The following CCNB3 variants were observed in gnomAD, a reference collection of about 807,000 sequenced individuals.
CCNB3 encodes the protein G2/mitotic-specific cyclin-B3.
Under a neutral mutation model 68.0 loss-of-function variants are expected in CCNB3, and 12 were observed. The ratio of observed to expected loss-of-function variants is 0.18; its 90% confidence interval spans 0.11 to 0.29. The LOEUF is 0.29. Among genes scored for constraint, CCNB3 ranks in the 10% least tolerant of loss-of-function variants. The pLI, the probability that CCNB3 is intolerant of heterozygous loss-of-function variation, is 1.00. For synonymous variants in CCNB3, 354 were observed against 388.9 expected (o/e 0.91, Z 1.06); for missense variants, 904 against 993.1 (o/e 0.91, Z 1.21).
chrX:50,299,427 A>G (rs1342655683), intron 5 of CCNB3, among the ~76,000 whole-genome samples: 7 of 111,213 alleles, frequency 6.3e-5, no homozygotes, highest in African/African-American at 2.3e-4. Flanking sequence ...TTCAGTTTCC[A>G]TGTAGTTGAA....
chrX:50,330,629 G>A (rs1284864503), intron 8 of CCNB3, among the ~76,000 whole-genome samples: 1 of 111,938 alleles, frequency 8.9e-6, no homozygotes, highest in Non-Finnish European at 1.9e-5. Context: ...AGAAGTACAG[G>A]GAGTAGTAAG....
upstream of CCNB3, among the ~76,000 whole-genome samples, chrX:50,203,944 G>T (rs1355861952): frequency 9.0e-6 from 1 of 111,365 alleles, no homozygotes; most frequent in Non-Finnish European, 1.9e-5. Context: ...TTATAATTAT[G>T]AAATTTCCTT....
At chrX:50,311,556 C>T in intron 6 of CCNB3, 60 bp downstream of exon 6, 1 of 861,782 alleles carries the variant, frequency 1.2e-6, no homozygotes, top group Non-Finnish European at 1.6e-6. Context: ...CTGGAGGTGG[C>T]TGCTAGCAAA....
Position 50,330,172 on chromosome X carries a change from G to T in CCNB3, c.3517-12030G>T, listed in dbSNP as rs782063799. 3.1e-3 allele frequency among the ~76,000 whole-genome samples: 344 copies of T among 111,770 alleles called. 2 individuals carry two copies. The highest frequency in any genetic ancestry group is 5.0e-3 in the Non-Finnish European group (267 of 53,155). Reference sequence around the variant, plus strand: ...AACTCTAAGGGGGTCTGCATGAGAGGGTCGTGATCGATTGAGCAAGCAGTG... The same window carrying T: ...AACTCTAAGGGGGTCTGCATGAGAGTGTCGTGATCGATTGAGCAAGCAGTG... On this transcript the variant is annotated intron_variant, in intron 8 of 12. Coordinates refer to ENST00000376042, the MANE Select transcript of CCNB3 (RefSeq NM_033031.3).
At chrX:50,207,481 G>T (rs1489506635) in intron 1 of CCNB3, among the ~76,000 whole-genome samples, 1 of 111,732 alleles carries the variant, frequency 8.9e-6, no homozygotes, top group Non-Finnish European at 1.9e-5. Context: ...GGTAGCACAG[G>T]TTCATATATA....
chrX:50,305,620 C>T (rs1261615424), intron 5 of CCNB3, among the ~76,000 whole-genome samples: 1 of 109,389 alleles, frequency 9.1e-6, no homozygotes, highest in African/African-American at 3.3e-5. Context: ...CTCACCTGCA[C>T]GTTCTGCACA....
chrX:50,227,700 G>A (rs1442737243), intron 1 of CCNB3, among the ~76,000 whole-genome samples: 2 of 93,737 alleles, frequency 2.1e-5, no homozygotes, highest in African/African-American at 3.8e-5. Context: ...TATATATAGA[G>A]AGAATATATA....
chrX:50,227,811 A>AATATATAGAGAATATATCAAT (rs1557207876), intron 1 of CCNB3, among the ~76,000 whole-genome samples: 1,074 of 79,937 alleles, frequency 0.013, 26 homozygotes, highest in African/African-American at 0.052. Flanking sequence ...AATAAATATA[A>AATATATAGAGAATATATCAAT]ATATATAGAG....
chrX:50,227,377 AATAT>A (rs1186874936), intron 1 of CCNB3, among the ~76,000 whole-genome samples: 1,831 of 87,607 alleles, frequency 0.021, 50 homozygotes, highest in African/African-American at 0.074. Context: ...AATATATATA[AATAT>A]ATACATAGAT....
intron 1 of CCNB3, among the ~76,000 whole-genome samples, chrX:50,217,805 T>G (rs1476386404): frequency 1.8e-5 from 2 of 111,942 alleles, no homozygotes; most frequent in African/African-American, 6.5e-5. Flanking sequence ...TTTTATGATG[T>G]GTTTATTATG....
At chrX:50,339,857 A>G (rs1378619603) in intron 8 of CCNB3, among the ~76,000 whole-genome samples, 1 of 111,053 alleles carries the variant, frequency 9.0e-6, no homozygotes. Context: ...CTATTGCCAG[A>G]ACAGCACCAA....
chrX:50,316,820 C>T (rs1005170957), intron 8 of CCNB3, among the ~76,000 whole-genome samples: 27 of 112,154 alleles, frequency 2.4e-4, no homozygotes, highest in African/African-American at 7.8e-4. Context: ...TTCTATGGTT[C>T]GGATATATCA....
chrX:50,217,331 T>G (rs1280781116), intron 1 of CCNB3, among the ~76,000 whole-genome samples: 1 of 92,860 alleles, frequency 1.1e-5, no homozygotes, highest in Non-Finnish European at 2.1e-5. Context: ...TGGAGGGCAG[T>G]GGCACAATCT....
At chrX:50,216,498 G>T (rs2146981819) in intron 1 of CCNB3, among the ~76,000 whole-genome samples, 1 of 110,477 alleles carries the variant, frequency 9.1e-6, no homozygotes, top group East Asian at 2.9e-4. Context: ...TTGATCTCCT[G>T]ACCTCCTGAT....
intron 5 of CCNB3, among the ~76,000 whole-genome samples, chrX:50,306,734 G>A (rs1921097206): frequency 9.0e-6 from 1 of 111,614 alleles, no homozygotes; most frequent in Non-Finnish European, 1.9e-5. Context: ...TGATCATGTC[G>A]TTTTTGTTTT....
At chrX:50,344,944 T>A (rs1350402954) in intron 9 of CCNB3, among the ~76,000 whole-genome samples, 2 of 110,879 alleles carry the variant, frequency 1.8e-5, no homozygotes, top group African/African-American at 6.6e-5. Context: ...AGTTGGCAAC[T>A]TTTACCAAGG....
At chrX:50,221,709 A>G (rs1003614261) in intron 1 of CCNB3, among the ~76,000 whole-genome samples, 1 of 111,655 alleles carries the variant, frequency 9.0e-6, no homozygotes, top group Non-Finnish European at 1.9e-5. Flanking sequence ...CAATTTTAGA[A>G]TAAGTGCAAT....
At chrX:50,289,071 A>G (rs1247428557) in intron 4 of CCNB3, among the ~76,000 whole-genome samples, 184 bp downstream of exon 4, 1 of 111,864 alleles carries the variant, frequency 8.9e-6, no homozygotes, top group Non-Finnish European at 1.9e-5. Context: ...ATCTGAAACA[A>G]TTGGTGGAGT....
intron 8 of CCNB3, among the ~76,000 whole-genome samples, chrX:50,332,515 C>T (rs1557218211): frequency 1.8e-5 from 2 of 111,653 alleles, no homozygotes; most frequent in Non-Finnish European, 3.8e-5. Context: ...ATGAGTCCCA[C>T]GATGATCCTC....
Sources: gnomAD v4.1 joint callset for allele counts (sites outside exome capture counted in the v4.1 genomes callset) on GRCh38, gnomAD v4.1.1 for gene constraint, MANE v1.5 for transcripts, NCBI Gene and HGNC (gene_info 2026-07-23, HGNC 2026-07-21) for gene names.